Variants in ISM1 observed in about 807,000 individuals in gnomAD.
ISM1 encodes isthmin-1.
In ISM1, 25 loss-of-function variants were observed where a neutral mutation model predicts 46.3. The ratio of observed to expected loss-of-function variants is 0.54; its 90% CI spans 0.39 to 0.75. The LOEUF (loss-of-function observed/expected upper bound fraction) is 0.75, where lower values mean the gene tolerates loss of function less well. ISM1 is among the 30% of genes least tolerant of loss of function. ISM1 has a pLI of 0.00. For synonymous variants in ISM1, 255 were observed against 256.7 expected (o/e 0.99, Z 0.06); for missense variants, 536 against 625.4 (o/e 0.86, Z 1.52).
At chr20:13,305,769 C>T in the ISM1 span, among the ~76,000 whole-genome samples, 8,946 of 152,184 alleles carry the variant, frequency 0.059, 330 homozygotes, top group Admixed American at 0.093. Context: ...TTTTAAGGAA[C>T]GAATTTATGA....
At chr20:13,257,781 T>C (rs2039944143) in intron 1 of ISM1, among the ~76,000 whole-genome samples, 2 of 151,716 alleles carry the variant, frequency 1.3e-5, no homozygotes, top group East Asian at 1.9e-4. Flanking sequence ...GAGAATTAAA[T>C]CCACAGTGTA....
the ISM1 span, among the ~76,000 whole-genome samples, chr20:13,310,453 A>G: frequency 6.6e-6 from 1 of 151,842 alleles, no homozygotes; most frequent in Non-Finnish European, 1.5e-5. Context: ...TAAATATAAG[A>G]CCTAAAACTG....
chr20:13,319,989 C>T, the ISM1 span, among the ~76,000 whole-genome samples: 19 of 152,170 alleles, frequency 1.2e-4, no homozygotes, highest in Non-Finnish European at 1.9e-4. Flanking sequence ...AAAACTCCAC[C>T]GAAGGGTTGG....
chr20:13,288,011 A>G (rs1229383902), intron 3 of ISM1, among the ~76,000 whole-genome samples: 3 of 152,310 alleles, frequency 2.0e-5, no homozygotes, highest in African/African-American at 7.2e-5. Context: ...TCTGTAGTCC[A>G]TGTGGCTCCT....
At chr20:13,230,070 T>A (rs1249418675) in intron 1 of ISM1, among the ~76,000 whole-genome samples, 1 of 152,212 alleles carries the variant, frequency 6.6e-6, no homozygotes, top group Non-Finnish European at 1.5e-5. Flanking sequence ...CTACTCATAG[T>A]TTAAAAGGCA....
chr20:13,276,482 G>A (rs1438142865), intron 2 of ISM1, among the ~76,000 whole-genome samples: 1 of 152,140 alleles, frequency 6.6e-6, no homozygotes, highest in Non-Finnish European at 1.5e-5. Context: ...CACTTCTTTT[G>A]GACTCTCTTT....
chr20:13,228,726 G>A (rs2039556387), intron 1 of ISM1, among the ~76,000 whole-genome samples: 2 of 151,778 alleles, frequency 1.3e-5, no homozygotes, highest in African/African-American at 4.8e-5. Context: ...TTATATCTTT[G>A]GTATTTCCAA....
chr20:13,270,438 T>G (rs1207348317), intron 1 of ISM1, 66 bp from the exon 2 acceptor site: 25 of 1,527,260 alleles, frequency 1.6e-5, no homozygotes, highest in Non-Finnish European at 2.2e-5. Flanking sequence ...TATAATGGAC[T>G]GTTAAGGGTG....
chr20:13,325,057 A>G, the ISM1 span, among the ~76,000 whole-genome samples: 1 of 152,114 alleles, frequency 6.6e-6, no homozygotes, highest in African/African-American at 2.4e-5. Context: ...GTTTCTGTTT[A>G]TTTTATAGGT....
chr20:13,318,931 G>A, the ISM1 span, among the ~76,000 whole-genome samples: 1 of 152,196 alleles, frequency 6.6e-6, no homozygotes, highest in East Asian at 1.9e-4. Flanking sequence ...ACTATGCTAT[G>A]TGTTACTATA....
chr20:13,223,847 C>G (rs1263775635), intron 1 of ISM1, among the ~76,000 whole-genome samples: 1 of 152,086 alleles, frequency 6.6e-6, no homozygotes, highest in Non-Finnish European at 1.5e-5. Flanking sequence ...TCCTCATGGA[C>G]TCATGAAAAG....
chr20:13,319,057 T>C, the ISM1 span, among the ~76,000 whole-genome samples: 1 of 152,176 alleles, frequency 6.6e-6, no homozygotes, highest in Non-Finnish European at 1.5e-5. Context: ...TCATCAGTTG[T>C]AACAAATGCA....
At chr20:13,312,190 C>A in the ISM1 span, among the ~76,000 whole-genome samples, 5 of 152,010 alleles carry the variant, frequency 3.3e-5, no homozygotes, top group African/African-American at 1.2e-4. Context: ...AACCAAGTAC[C>A]AAAAGTAAGC....
chr20:13,273,425 C>G (rs1289679945), intron 2 of ISM1, among the ~76,000 whole-genome samples: 1 of 151,724 alleles, frequency 6.6e-6, no homozygotes, highest in East Asian at 1.9e-4. Context: ...TTGAAGAGAC[C>G]AGGCCTCACT....
chr20:13,255,971 T>C (rs2039924695), intron 1 of ISM1, among the ~76,000 whole-genome samples: 1 of 151,932 alleles, frequency 6.6e-6, no homozygotes, highest in Non-Finnish European at 1.5e-5. Context: ...GAAAGACCAT[T>C]TGTAATTTAG....
chr20:13,303,115 T>C (rs1307827687), downstream of ISM1, among the ~76,000 whole-genome samples: 1 of 152,036 alleles, frequency 6.6e-6, no homozygotes, highest in East Asian at 1.9e-4. Flanking sequence ...CCCAACAAGG[T>C]TAGCTAACTT....
chr20:13,246,497 G>A (rs1437052293), intron 1 of ISM1, among the ~76,000 whole-genome samples: 1 of 152,214 alleles, frequency 6.6e-6, no homozygotes, highest in African/African-American at 2.4e-5. Context: ...ATGGCATGCA[G>A]TGTAGCTACT....
chr20:13,268,652 G>A (rs2040075721), intron 1 of ISM1, among the ~76,000 whole-genome samples: 1 of 152,186 alleles, frequency 6.6e-6, no homozygotes, highest in African/African-American at 2.4e-5. Context: ...GACAGACGAG[G>A]TCTCTATCTC....
At chr20:13,286,322 C>T (rs781720295) in intron 3 of ISM1, among the ~76,000 whole-genome samples, 3 of 151,692 alleles carry the variant, frequency 2.0e-5, no homozygotes, top group African/African-American at 7.3e-5. Context: ...GCAAAGTTCT[C>T]GGTGGGAGCA....
Sources: allele counts gnomAD v4.1 joint callset (sites outside exome capture counted in the v4.1 genomes callset), GRCh38; gene constraint gnomAD v4.1.1; transcripts MANE v1.5; gene names NCBI Gene and HGNC (gene_info 2026-07-23, HGNC 2026-07-21).